Variants in NELL1 observed in about 807,000 individuals in gnomAD.
NELL1 encodes protein kinase C-binding protein NELL1.
NELL1 carries 76 observed loss-of-function variants against 107.4 expected under a neutral mutation model. The observed-to-expected ratio is 0.71, with a 90% CI of 0.59 to 0.86. The LOEUF (loss-of-function observed/expected upper bound fraction) is 0.86, where lower values mean the gene tolerates loss of function less well. NELL1 is among the 40% of genes least tolerant of loss of function. The pLI is 0.00. For synonymous variants in NELL1, 353 were observed against 341.2 expected (o/e 1.03, Z -0.38); for missense variants, 1,024 against 1,005.5 (o/e 1.02, Z -0.25).
intron 14 of NELL1, among the ~76,000 whole-genome samples, chr11:21,249,107 T>A (rs1009436045): frequency 6.6e-6 from 1 of 152,190 alleles, no homozygotes; most frequent in Non-Finnish European, 1.5e-5. Context: ...TGTCATTTTT[T>A]AACAAAGCAC....
chr11:21,175,779 A>G (rs902079234), intron 13 of NELL1, among the ~76,000 whole-genome samples: 1 of 151,890 alleles, frequency 6.6e-6, no homozygotes, highest in African/African-American at 2.4e-5. Flanking sequence ...GCACATTTAA[A>G]TTTTGGAGCC....
chr11:20,819,745 A>G (rs1857708487), intron 3 of NELL1, among the ~76,000 whole-genome samples: 1 of 152,224 alleles, frequency 6.6e-6, no homozygotes, highest in African/African-American at 2.4e-5. Flanking sequence ...AGGCACCTTA[A>G]AACTTGAAGA....
intron 13 of NELL1, among the ~76,000 whole-genome samples, chr11:21,120,270 G>T (rs1264446048): frequency 6.6e-6 from 1 of 152,100 alleles, no homozygotes; most frequent in African/African-American, 2.4e-5. Flanking sequence ...GAAATGTCAG[G>T]CTAGGTCTCT....
At chr11:21,145,041 G>A (rs1401515824) in intron 13 of NELL1, among the ~76,000 whole-genome samples, 3 of 152,174 alleles carry the variant, frequency 2.0e-5, no homozygotes, top group Admixed American at 1.3e-4. Context: ...GGGTTGTTGT[G>A]ATGATTAAAT....
intron 12 of NELL1, among the ~76,000 whole-genome samples, chr11:21,038,894 A>G (rs1015646088): frequency 4.6e-5 from 7 of 152,120 alleles, no homozygotes; most frequent in African/African-American, 1.7e-4. Flanking sequence ...GTCTGTTTGC[A>G]TTGTGTTCTT....
At chr11:21,493,630 G>A (rs1854893260) in intron 15 of NELL1, among the ~76,000 whole-genome samples, 1 of 151,978 alleles carries the variant, frequency 6.6e-6, no homozygotes, top group Non-Finnish European at 1.5e-5. Flanking sequence ...AAGAAAGGTT[G>A]ATTAGTGAAT....
chr11:21,353,067 G>A (rs1325464819), intron 14 of NELL1, among the ~76,000 whole-genome samples: 1 of 152,102 alleles, frequency 6.6e-6, no homozygotes, highest in Non-Finnish European at 1.5e-5. Flanking sequence ...GTTGAGAATA[G>A]CTCTCCAGTT....
intron 10 of NELL1, among the ~76,000 whole-genome samples, chr11:20,939,786 G>C (rs1362438408): frequency 6.6e-6 from 1 of 152,162 alleles, no homozygotes; most frequent in Non-Finnish European, 1.5e-5. Context: ...GGTGCAGGAA[G>C]AGGAACATTC....
intron 15 of NELL1, among the ~76,000 whole-genome samples, chr11:21,471,241 G>GA (rs968824959): frequency 3.2e-4 from 48 of 149,748 alleles, no homozygotes; most frequent in Middle Eastern, 3.4e-3. Context: ...TCTCTATTTG[G>GA]AAAAAAAAAT....
Position 20,863,710 on chromosome 11 carries a change from A to G in NELL1, c.506+15957A>G, listed in dbSNP as rs1199336384. 5.3e-5 allele frequency among the ~76,000 whole-genome samples: 8 copies of G among 151,042 alleles called. No individual in the cohort carries two copies. The East Asian group carries it at 1.6e-3, about 30-fold the overall frequency. ...TCCTCACTTCCCAGACGGGGTGGTG[A>G]CCGGGCAGAGGCTGTAATCTCCGCA... On this transcript the variant is annotated intron_variant, in intron 4 of 19. Transcript: ENST00000357134.
intron 13 of NELL1, among the ~76,000 whole-genome samples, chr11:21,228,481 T>C (rs898307633): frequency 1.3e-5 from 2 of 152,142 alleles, no homozygotes; most frequent in African/African-American, 2.4e-5. Flanking sequence ...AACAGAGGCC[T>C]CAGAGTAAAT....
At chr11:20,771,947 C>A (rs955579882) in intron 2 of NELL1, among the ~76,000 whole-genome samples, 5 of 152,102 alleles carry the variant, frequency 3.3e-5, no homozygotes, top group African/African-American at 1.2e-4. Context: ...TCAATGCAGG[C>A]AGATTTTTAT....
chr11:20,880,534 A>G (rs947888424), intron 4 of NELL1, among the ~76,000 whole-genome samples: 4 of 152,218 alleles, frequency 2.6e-5, no homozygotes, highest in Non-Finnish European at 4.4e-5. Flanking sequence ...GAACCCAAAC[A>G]TGTTTAATCC....
chr11:20,840,287 G>T (rs1268680555), intron 3 of NELL1, among the ~76,000 whole-genome samples: 2 of 152,044 alleles, frequency 1.3e-5, no homozygotes, highest in Non-Finnish European at 2.9e-5. Flanking sequence ...TATTTTTAAA[G>T]GTATAATAAA....
chr11:21,223,283 T>G (rs1317424194), intron 13 of NELL1, among the ~76,000 whole-genome samples: 1 of 152,304 alleles, frequency 6.6e-6, no homozygotes, highest in East Asian at 1.9e-4. Context: ...TTATATATAC[T>G]TGCTGAATTG....
chr11:20,810,091 T>C (rs1341513127), intron 3 of NELL1, among the ~76,000 whole-genome samples: 1 of 152,118 alleles, frequency 6.6e-6, no homozygotes, highest in Non-Finnish European at 1.5e-5. Flanking sequence ...ATTTCCCTGA[T>C]GATTAGTGAT....
chr11:21,540,415 A>T (rs1856262087), intron 16 of NELL1, among the ~76,000 whole-genome samples: 1 of 152,020 alleles, frequency 6.6e-6, no homozygotes, highest in African/African-American at 2.4e-5. Flanking sequence ...TTTAGCTCCT[A>T]CACATGAGTG....
chr11:21,472,817 GCCTTCCCTTCCCTTCCCTTT>G (rs1564911458), intron 15 of NELL1, among the ~76,000 whole-genome samples: 1 of 151,360 alleles, frequency 6.6e-6, no homozygotes, highest in Non-Finnish European at 1.5e-5. Flanking sequence ...CCCTCCCCTT[GCCTTCCCTTCCCTTCCCTTT>G]CCTTCCCTTC....
chr11:20,984,611 C>T lies in NELL1; in HGVS notation c.1300+24051C>T, dbSNP rs1028490720. 3.3e-5 allele frequency among the ~76,000 whole-genome samples: 5 copies of T among 151,952 alleles called. No individual in the cohort carries two copies. The East Asian group carries it at 9.7e-4, about 29-fold the overall frequency. Reference sequence around the variant, plus strand: ...GGGAAGCTCTTTCTTTACATTTTTCCTAGCCTTTACGGCCATCTCCTCCTT... The same window carrying T: ...GGGAAGCTCTTTCTTTACATTTTTCTTAGCCTTTACGGCCATCTCCTCCTT... On this transcript the variant is annotated intron_variant, in intron 12 of 19. Coordinates refer to ENST00000357134, the MANE Select transcript of NELL1 (RefSeq NM_006157.5).
Sources: gnomAD v4.1 joint callset for allele counts (sites outside exome capture counted in the v4.1 genomes callset) on GRCh38, gnomAD v4.1.1 for gene constraint, MANE v1.5 for transcripts, NCBI Gene and HGNC (gene_info 2026-07-23, HGNC 2026-07-21) for gene names.